Variants in PCDHA2 observed in about 807,000 individuals in gnomAD.
PCDHA2 encodes protocadherin alpha 2, also known as protocadherin alpha-2.
In PCDHA2, 58 loss-of-function variants were observed where a neutral mutation model predicts 66.0. The observed-to-expected ratio is 0.88, with a 90% CI of 0.71 to 1.09. The LOEUF is 1.09. Among genes scored for constraint, PCDHA2 ranks in the 50% least tolerant of loss-of-function variants. The pLI is 0.00. For missense variants in PCDHA2, 1,267 were observed against 1,242.3 expected, an observed-to-expected ratio of 1.02 and a Z score of -0.30; for synonymous variants, 634 against 554.0, an observed-to-expected ratio of 1.14 and a Z score of -2.03.
At chr5:140,797,871 T>A (rs1762275608) in intron 1 of PCDHA2, among the ~76,000 whole-genome samples, 1 of 152,154 alleles carries the variant, frequency 6.6e-6, no homozygotes, top group Non-Finnish European at 1.5e-5. Context: ...TTTGTTTTTG[T>A]TGAGACAGTC....
chr5:140,825,136 T>C (rs1314909721), intron 1 of PCDHA2: 1 of 151,816 alleles, frequency 6.6e-6, no homozygotes, highest in Non-Finnish European at 1.5e-5. Flanking sequence ...TTAAAAAACA[T>C]ATGAGTATTG....
At chr5:140,937,142 A>G (rs1362886135) in intron 1 of PCDHA2, among the ~76,000 whole-genome samples, 1 of 147,852 alleles carries the variant, frequency 6.8e-6, no homozygotes, top group Non-Finnish European at 1.5e-5. Context: ...GGTTCATGCC[A>G]TTCTCCTGCC....
intron 1 of PCDHA2, chr5:140,834,131 C>A (rs2150213699): frequency 6.7e-6 from 3 of 446,202 alleles, no homozygotes; most frequent in South Asian, 5.1e-5. Context: ...AACTTTTCAT[C>A]TGATTAATAG....
At chr5:140,897,610 C>T (rs1439314706) in intron 1 of PCDHA2, among the ~76,000 whole-genome samples, 2 of 152,078 alleles carry the variant, frequency 1.3e-5, no homozygotes, top group East Asian at 1.9e-4. Context: ...TGGGTTGGTT[C>T]CAAGTCTTTA....
At chr5:140,981,828 A>C (rs2096952526) in intron 2 of PCDHA2, among the ~76,000 whole-genome samples, 1 of 152,060 alleles carries the variant, frequency 6.6e-6, no homozygotes, top group Non-Finnish European at 1.5e-5. Context: ...GCTTGCCTCT[A>C]AAGGTCTCCC....
At position 140,836,827 on chromosome 5, in the gene PCDHA2, G is replaced by T; in HGVS notation, c.2388+39475G>T. The T allele has an allele frequency of 4.1e-6, 4 of 968,068 alleles. No individual in the cohort carries two copies. In the South Asian group the frequency reaches 7.2e-5, roughly 17 times the overall value. 60.0% of individuals were successfully genotyped at this position (968,068 alleles called of 1,614,324 possible). A position where few individuals can be genotyped will look rare whatever the true frequency, so the allele number is the denominator to read the frequency against. On this transcript the variant is annotated intron_variant, in intron 1 of 3. Transcript: ENST00000526136. ...ATTTTCTTTCATAATTTCTTTTTTA[G>T]TTGATAGCTTTATGTATAATTATTA...
chr5:140,796,289 C>T lies in PCDHA2; in HGVS notation c.1325C>T (p.Ser442Phe). Residue 442 changes from serine (S) to phenylalanine (F), a missense_variant, in exon 1 of 4, where the codon TCC becomes TTC. Physicochemically the swap from Ser to Phe is radical, Grantham distance 155 (BLOSUM62 -2). Coordinates refer to ENST00000526136, the MANE Select transcript of PCDHA2 (RefSeq NM_018905.3). The part of the protein sequence containing the change: ...SPSLWATTSV[S>F]IEVADVNDNA... Reference sequence around the variant, plus strand: ...TCACTGTGGGCCACCACCAGCGTGTCCATCGAGGTGGCCGACGTGAACGAC... The same window carrying T: ...TCACTGTGGGCCACCACCAGCGTGTTCATCGAGGTGGCCGACGTGAACGAC... 6.2e-7 allele frequency: 1 copy of T among 1,614,116 alleles called. No individual in the cohort carries two copies. Among genetic ancestry groups the T allele is most frequent in the Non-Finnish European group, 8.5e-7 (1 of 1,180,030 alleles).
At position 140,877,378 on chromosome 5, in the gene PCDHA2, A is replaced by G; in HGVS notation, c.2388+80026A>G. 2 of 1,613,974 alleles carry G rather than the reference A, an allele frequency of 1.2e-6. No individual in the cohort carries two copies. Among genetic ancestry groups the G allele is most frequent in the South Asian group, 1.1e-5 (1 of 91,086 alleles). On this transcript the variant is annotated intron_variant, in intron 1 of 3. Transcript: ENST00000526136. ...CACTGGCGAGATCAGCACGACACGC[A>G]TCCTGGATGAGGCGGACGCTCCGCG...
At chr5:140,811,116 A>T (rs1764795251) in intron 1 of PCDHA2, 1 of 152,148 alleles carries the variant, frequency 6.6e-6, no homozygotes, top group Non-Finnish European at 1.5e-5. Flanking sequence ...CCATCAACTC[A>T]TCATTTACAT....
At chr5:140,882,688 AATC>A in intron 1 of PCDHA2, 1 of 1,614,196 alleles carries the variant, frequency 6.2e-7, no homozygotes, top group South Asian at 1.1e-5. Context: ...AGAAACGAAT[AATC>A]ATTGCAGAAT....
intron 1 of PCDHA2, among the ~76,000 whole-genome samples, chr5:140,819,622 T>C (rs1235501785): frequency 1.3e-5 from 2 of 152,096 alleles, no homozygotes; most frequent in Non-Finnish European, 1.5e-5. Context: ...GAAATTCAGA[T>C]TGGATAATCT....
In PCDHA2 at chr5:140,860,044, T is replaced by C. The variant is rs116974556; in HGVS notation, c.2388+62692T>C. On this transcript the variant is annotated intron_variant, in intron 1 of 3. Coordinates refer to ENST00000526136, the MANE Select transcript of PCDHA2 (RefSeq NM_018905.3). The stretch of plus-strand genomic sequence containing the variant: ...TGGCTCACACCTGTAATCCCAGCAT[T>C]TTGAGAGGCCAAGGTGGGAGGATGG... 10 of 151,928 alleles carry C rather than the reference T, an allele frequency of 6.6e-5. No homozygotes were observed. In the East Asian group the frequency reaches 1.9e-3, roughly 29 times the overall value. 9.4% of individuals were successfully genotyped at this position (151,928 alleles called of 1,614,324 possible).
chr5:140,967,154 G>A, intron 1 of PCDHA2: 2 of 1,610,730 alleles, frequency 1.2e-6, no homozygotes, highest in Non-Finnish European at 1.7e-6. Flanking sequence ...CAACCCCGTG[G>A]CGGTGAGCGC....
At chr5:140,985,228 C>T (rs1022229644) in intron 3 of PCDHA2, among the ~76,000 whole-genome samples, 2 of 152,156 alleles carry the variant, frequency 1.3e-5, no homozygotes, top group Admixed American at 6.5e-5. Flanking sequence ...TGAGCCACCG[C>T]GCCTGGCCTA....
At chr5:140,984,013 A>G (rs1258063909) in intron 3 of PCDHA2, among the ~76,000 whole-genome samples, 1 of 152,234 alleles carries the variant, frequency 6.6e-6, no homozygotes, top group Non-Finnish European at 1.5e-5. Context: ...TAATATTGCC[A>G]GATTGCAAGG....
At chr5:140,908,455 AT>A (rs367827339) in intron 1 of PCDHA2, among the ~76,000 whole-genome samples, 51 of 152,296 alleles carry the variant, frequency 3.3e-4, no homozygotes, top group African/African-American at 9.9e-4. Flanking sequence ...GGCTAGATGG[AT>A]CAGAAAGCAC....
intron 1 of PCDHA2, chr5:140,849,963 G>T: frequency 6.3e-7 from 1 of 1,597,872 alleles, no homozygotes; most frequent in Middle Eastern, 1.9e-4. Flanking sequence ...GAACGCCCTG[G>T]TGTCCTACTC....
chr5:140,982,324 C>G, intron 2 of PCDHA2, 151 bp from the exon 3 acceptor site: 2 of 1,393,878 alleles, frequency 1.4e-6, no homozygotes, highest in East Asian at 5.1e-5. Context: ...TGCAGGGTGA[C>G]TGCTCAGCAG....
At chr5:140,964,446 G>A (rs782155669) in intron 1 of PCDHA2, among the ~76,000 whole-genome samples, 2 of 152,100 alleles carry the variant, frequency 1.3e-5, no homozygotes, top group Non-Finnish European at 2.9e-5. Context: ...CTCTGCCACT[G>A]TAATCTCTTC....
Sources: gnomAD v4.1 joint callset for allele counts (sites outside exome capture counted in the v4.1 genomes callset) on GRCh38, gnomAD v4.1.1 for gene constraint, MANE v1.5 for transcripts, NCBI Gene and HGNC (gene_info 2026-07-23, HGNC 2026-07-21) for gene names.